Variants in CHN2 observed in about 807,000 individuals in gnomAD.
CHN2 encodes beta-chimaerin.
Under a neutral mutation model 56.3 loss-of-function variants are expected in CHN2, and 35 were observed. The ratio of observed to expected loss-of-function variants is 0.62; its 90% CI spans 0.47 to 0.82. The LOEUF is 0.82. CHN2 is among the 40% of genes least tolerant of loss of function. The pLI is 0.00. For missense variants in CHN2, 491 were observed against 580.5 expected, an observed-to-expected ratio of 0.85 and a Z score of 1.58; for synonymous variants, 210 against 212.8, an observed-to-expected ratio of 0.99 and a Z score of 0.12.
At chr7:29,255,424 A>G (rs571588958) in intron 1 of CHN2, among the ~76,000 whole-genome samples, 1 of 152,252 alleles carries the variant, frequency 6.6e-6, no homozygotes, top group African/African-American at 2.4e-5. Flanking sequence ...CAAGGAGGAG[A>G]CGGAACACCC....
chr7:29,416,247 G>A, intron 6 of CHN2, among the ~76,000 whole-genome samples: 1 of 152,072 alleles, frequency 6.6e-6, no homozygotes. Context: ...AAAAGCTGTG[G>A]ACTTCAAATA....
chr7:29,436,991 C>T (rs1464990262), intron 6 of CHN2, among the ~76,000 whole-genome samples: 1 of 151,514 alleles, frequency 6.6e-6, no homozygotes, highest in Non-Finnish European at 1.5e-5. Context: ...CTTACTGTTA[C>T]ATAATATGCT....
intron 3 of CHN2, among the ~76,000 whole-genome samples, chr7:29,373,258 T>C (rs10276349): frequency 0.028 from 4,204 of 151,788 alleles, 178 homozygotes; most frequent in African/African-American, 0.094. Context: ...CTCACCGCAA[T>C]CTCTGCTTCC....
chr7:29,503,771 G>C (rs1294221199), intron 9 of CHN2, among the ~76,000 whole-genome samples: 2 of 152,330 alleles, frequency 1.3e-5, no homozygotes, highest in East Asian at 1.9e-4. Context: ...GAGTTATCAA[G>C]AGTTTGGCAG....
intron 1 of CHN2, among the ~76,000 whole-genome samples, chr7:29,293,377 C>A (rs532377470): frequency 5.7e-5 from 5 of 88,122 alleles, no homozygotes; most frequent in South Asian, 4.8e-4. Context: ...CCCCCCCCCC[C>A]ATATTAACTC....
intron 1 of CHN2, among the ~76,000 whole-genome samples, chr7:29,238,556 A>G (rs1021599604): frequency 6.6e-6 from 1 of 152,216 alleles, no homozygotes; most frequent in Non-Finnish European, 1.5e-5. Flanking sequence ...AACAAGACAC[A>G]TAAATGTATT....
At chr7:29,281,419 C>T (rs560890612) in intron 1 of CHN2, among the ~76,000 whole-genome samples, 1 of 152,290 alleles carries the variant, frequency 6.6e-6, no homozygotes, top group East Asian at 1.9e-4. Flanking sequence ...TTTCAATATT[C>T]TGCTCTTGTA....
intron 1 of CHN2, chr7:29,195,577 T>G (rs570149047): frequency 7.0e-6 from 1 of 143,406 alleles, no homozygotes; most frequent in South Asian, 2.2e-4. Context: ...GCCCATCCTC[T>G]GACTCTTGGC....
intron 6 of CHN2, among the ~76,000 whole-genome samples, chr7:29,468,809 C>T (rs1265751782): frequency 1.3e-5 from 2 of 152,164 alleles, no homozygotes; most frequent in Admixed American, 6.5e-5. Flanking sequence ...CGTTAGCTTT[C>T]CTTGTCTTTC....
In CHN2 at chr7:29,294,341, A is replaced by G. The variant is rs1792948449; in HGVS notation, c.50-60284A>G. On this transcript the variant is annotated intron_variant, in intron 1 of 12. Coordinates refer to ENST00000222792, the MANE Select transcript of CHN2 (RefSeq NM_004067.4). ...TTGGGAGTCTTTGTACAGGGATTTA[A>G]AAGATTTATAATTTTCTTACAGTTA... Among the ~76,000 whole-genome samples, 3 of 152,266 alleles carry G rather than the reference A, an allele frequency of 2.0e-5. No individual in the cohort carries two copies. The South Asian group carries it at 6.2e-4, about 32-fold the overall frequency.
intron 1 of CHN2, among the ~76,000 whole-genome samples, chr7:29,304,862 T>C (rs1394467189): frequency 6.6e-6 from 1 of 152,190 alleles, no homozygotes; most frequent in Non-Finnish European, 1.5e-5. Context: ...AAGGACACAA[T>C]AGACTGGGAC....
chr7:29,188,948 CTTT>C (rs11376135), intron 2 of CHN2, among the ~76,000 whole-genome samples: 4 of 129,966 alleles, frequency 3.1e-5, no homozygotes, highest in Non-Finnish European at 3.2e-5. Flanking sequence ...TTCCTCATAC[CTTT>C]TTTTTTTTTT....
intron 1 of CHN2, among the ~76,000 whole-genome samples, chr7:29,296,389 T>C (rs561957308): frequency 1.3e-5 from 2 of 152,028 alleles, no homozygotes; most frequent in African/African-American, 2.4e-5. Flanking sequence ...CCAGCCGTAA[T>C]CACCTTTTAA....
At chr7:29,407,520 C>T (rs1375575183) in intron 6 of CHN2, among the ~76,000 whole-genome samples, 1 of 152,080 alleles carries the variant, frequency 6.6e-6, no homozygotes, top group East Asian at 1.9e-4. Flanking sequence ...TCTAAAGAAC[C>T]TATAGATTTT....
intron 1 of CHN2, among the ~76,000 whole-genome samples, chr7:29,211,246 A>ATTT (rs573128905): frequency 5.7e-5 from 8 of 139,982 alleles, no homozygotes; most frequent in Non-Finnish European, 1.2e-4. Context: ...AATTTTTTGT[A>ATTT]TTTTTTTTTT....
At chr7:29,499,605 T>A (rs1375995647) in intron 8 of CHN2, among the ~76,000 whole-genome samples, 1 of 152,060 alleles carries the variant, frequency 6.6e-6, no homozygotes, top group African/African-American at 2.4e-5. Context: ...ACCTGATCAA[T>A]TACCTAAGCT....
rs377319147 is a variant in CHN2 at position 29,220,579 on chromosome 7, C to G, written c.49+25589C>G. ...AAATCAACAACTTTCTTTAAAAACACAACTTACCAAAACAGACATAAGAAG... is the reference window on the plus strand; with the variant it reads ...AAATCAACAACTTTCTTTAAAAACAGAACTTACCAAAACAGACATAAGAAG... On this transcript the variant is annotated intron_variant, in intron 1 of 12. Transcript: ENST00000222792. 3.9e-5 allele frequency among the ~76,000 whole-genome samples: 6 copies of G among 152,102 alleles called. No individual in the cohort carries two copies. The South Asian group carries it at 1.0e-3, about 26-fold the overall frequency.
intron 12 of CHN2, among the ~76,000 whole-genome samples, chr7:29,512,234 C>T (rs1353207085): frequency 6.6e-6 from 1 of 152,046 alleles, no homozygotes; most frequent in South Asian, 2.1e-4. Flanking sequence ...GGGCCAGCCT[C>T]AGAATCTGCT....
At position 29,150,744 on chromosome 7, in the gene CHN2, C is replaced by T. The variant is rs552945128; in HGVS notation, c.274+3784C>T. ...AGGTCTCTCCCTGCACTTGTCAAGG[C>T]TTCTATAGCCATTGTTCCTTTTCAG... On this transcript the variant is annotated intron_variant, in intron 2 of 6. Coordinates refer to the CHN2 transcript ENST00000439384. 3.4e-4 allele frequency among the ~76,000 whole-genome samples: 52 copies of T among 152,292 alleles called. 1 individual carries two copies. The South Asian group carries it at 0.011, about 32-fold the overall frequency.
Sources: allele counts gnomAD v4.1 joint callset (sites outside exome capture counted in the v4.1 genomes callset), GRCh38; gene constraint gnomAD v4.1.1; transcripts MANE v1.5; gene names NCBI Gene and HGNC (gene_info 2026-07-23, HGNC 2026-07-21).